PCGF5: variants seen among roughly 807,000 people sequenced by gnomAD.
PCGF5 encodes polycomb group ring finger 5, also known as polycomb group RING finger protein 5.
Under a neutral mutation model 44.3 loss-of-function variants are expected in PCGF5, and 9 were observed. The observed-to-expected ratio is 0.20, with a 90% CI of 0.12 to 0.35. The LOEUF (loss-of-function observed/expected upper bound fraction) is 0.35, where lower values mean the gene tolerates loss of function less well. Among genes scored for constraint, PCGF5 ranks in the 10% least tolerant of loss-of-function variants. The probability of loss-of-function intolerance (pLI) is 1.00; values close to 1 mark genes in which losing one functional copy is unlikely to be tolerated. For synonymous variants in PCGF5, 95 were observed against 102.5 expected, an observed-to-expected ratio of 0.93 and a Z score of 0.44; for missense variants, 146 against 305.3, an observed-to-expected ratio of 0.48 and a Z score of 3.89.
chr10:91,213,804 C>A lies in PCGF5; in HGVS notation c.-183-8885C>A, dbSNP rs1844496116. On this transcript the variant is annotated intron_variant, in intron 1 of 9. Transcript: ENST00000614189. The stretch of plus-strand genomic sequence containing the variant: ...CCAGCCACTTCATTATTTTAATGTG[C>A]CACATTAAGTGTTATGTACTACATG... 3.9e-5 allele frequency among the ~76,000 whole-genome samples: 6 copies of A among 151,986 alleles called. No homozygotes were observed. In the South Asian group the frequency reaches 1.3e-3, roughly 32 times the overall value.
chr10:91,249,777 T>TAAC (rs150220551), intron 5 of PCGF5, among the ~76,000 whole-genome samples: 5,985 of 151,916 alleles, frequency 0.039, 380 homozygotes, highest in African/African-American at 0.13. Flanking sequence ...TTTTTATCTG[T>TAAC]AACAACAACA....
intron 5 of PCGF5, among the ~76,000 whole-genome samples, chr10:91,249,756 C>T (rs895540168): frequency 2.0e-5 from 3 of 151,516 alleles, no homozygotes; most frequent in African/African-American, 7.3e-5. Flanking sequence ...AATAAGGTAA[C>T]AAGAGACTAT....
intron 2 of PCGF5, among the ~76,000 whole-genome samples, chr10:91,228,916 C>G (rs917390413): frequency 6.6e-6 from 1 of 152,140 alleles, no homozygotes; most frequent in African/African-American, 2.4e-5. Context: ...AATAACAAGC[C>G]CTGCAGGTGA....
chr10:91,256,987 TA>T (rs1446244367), intron 6 of PCGF5, among the ~76,000 whole-genome samples: 1 of 152,102 alleles, frequency 6.6e-6, no homozygotes, highest in African/African-American at 2.4e-5. Context: ...CATTAAAATG[TA>T]AAACTCTTGT....
At chr10:91,254,245 T>G (rs1845694200) in intron 6 of PCGF5, among the ~76,000 whole-genome samples, 1 of 150,560 alleles carries the variant, frequency 6.6e-6, no homozygotes, top group Non-Finnish European at 1.5e-5. Flanking sequence ...AAACCATATA[T>G]CTGACAAAAG....
chr10:91,277,869 C>T (rs565611790), intron 9 of PCGF5, among the ~76,000 whole-genome samples: 22 of 152,110 alleles, frequency 1.4e-4, no homozygotes, highest in Non-Finnish European at 2.2e-4. Flanking sequence ...CTCTCACCAG[C>T]CTAAGCTTTA....
At chr10:91,248,598 T>G (rs755903426) in intron 4 of PCGF5, 38 bp downstream of exon 4, 3 of 1,605,076 alleles carry the variant, frequency 1.9e-6, no homozygotes, top group South Asian at 2.2e-5. Context: ...CTTTTGTGTT[T>G]TATGAAATCA....
At chr10:91,201,522 T>TA (rs894756947) in intron 1 of PCGF5, among the ~76,000 whole-genome samples, 4 of 151,846 alleles carry the variant, frequency 2.6e-5, no homozygotes, top group Admixed American at 1.3e-4. Flanking sequence ...GCCCAATGTG[T>TA]AAAAAAAATA....
intron 5 of PCGF5, among the ~76,000 whole-genome samples, chr10:91,249,419 A>G (rs949756666): frequency 1.5e-4 from 16 of 110,336 alleles, no homozygotes; most frequent in South Asian, 1.2e-3. Flanking sequence ...ATATATATAT[A>G]TGTATAAAAT....
Position 91,199,451 on chromosome 10 carries a change from A to G in PCGF5, c.-183-23238A>G, listed in dbSNP as rs571898745. ...TACTCCAGCATCCCTCAGTCCTTGC[A>G]TCCTTGGGAAAGTGACCTTGGGCAA... On this transcript the variant is annotated intron_variant, in intron 1 of 9. Coordinates refer to the PCGF5 transcript ENST00000614189. 2.0e-3 allele frequency among the ~76,000 whole-genome samples: 304 copies of G among 152,340 alleles called. 1 individual carries two copies. Among genetic ancestry groups the G allele is most frequent in the African/African-American group, 5.0e-3 (209 of 41,584 alleles).
chr10:91,184,013 T>C (rs1377593455), intron 1 of PCGF5, among the ~76,000 whole-genome samples: 1 of 152,222 alleles, frequency 6.6e-6, no homozygotes, highest in Admixed American at 6.5e-5. Flanking sequence ...CGTTTCGACC[T>C]TGGATAATCT....
At chr10:91,242,895 T>C (rs1845366059) in intron 3 of PCGF5, among the ~76,000 whole-genome samples, 1 of 152,232 alleles carries the variant, frequency 6.6e-6, no homozygotes, top group Non-Finnish European at 1.5e-5. Context: ...CTAACTTCCA[T>C]ATTCCAGTTT....
intron 1 of PCGF5, among the ~76,000 whole-genome samples, chr10:91,200,276 A>G (rs1844225571): frequency 6.6e-6 from 1 of 152,150 alleles, no homozygotes; most frequent in South Asian, 2.1e-4. Context: ...GCTATAGGGG[A>G]TTGCCTGAAA....
chr10:91,254,857 A>G (rs1845708823), intron 6 of PCGF5, among the ~76,000 whole-genome samples: 1 of 152,132 alleles, frequency 6.6e-6, no homozygotes, highest in African/African-American at 2.4e-5. Context: ...AAAGGCTTAT[A>G]GATGCATATA....
intron 7 of PCGF5, among the ~76,000 whole-genome samples, chr10:91,262,282 CG>C (rs1845935387): frequency 6.6e-6 from 1 of 151,850 alleles, no homozygotes; most frequent in African/African-American, 2.4e-5. Context: ...AAAAATTAGC[CG>C]GGTGTGGTGG....
chr10:91,189,382 C>T (rs1843989680), intron 1 of PCGF5, among the ~76,000 whole-genome samples: 2 of 152,186 alleles, frequency 1.3e-5, no homozygotes, highest in African/African-American at 4.8e-5. Context: ...TTTGAAATCC[C>T]AGTTTACAAC....
chr10:91,217,956 T>A (rs1413864240), upstream of PCGF5, among the ~76,000 whole-genome samples: 1 of 152,240 alleles, frequency 6.6e-6, no homozygotes, highest in East Asian at 1.9e-4. Context: ...CTGGCTAATT[T>A]TGGTATTTTT....
chr10:91,258,011 C>T (rs1484555851), intron 6 of PCGF5, among the ~76,000 whole-genome samples: 1 of 151,998 alleles, frequency 6.6e-6, no homozygotes, highest in Non-Finnish European at 1.5e-5. Context: ...ATAGATGAAT[C>T]TTGAAAACTT....
intron 6 of PCGF5, among the ~76,000 whole-genome samples, 154 bp from the exon 7 acceptor site, chr10:91,261,172 C>T (rs1219810880): frequency 1.3e-5 from 2 of 151,884 alleles, no homozygotes; most frequent in Non-Finnish European, 2.9e-5. Context: ...TTTTTACTCG[C>T]AAATACTAAA....
Sources: gnomAD v4.1 joint callset for allele counts (sites outside exome capture counted in the v4.1 genomes callset) on GRCh38, gnomAD v4.1.1 for gene constraint, MANE v1.5 for transcripts, NCBI Gene and HGNC (gene_info 2026-07-23, HGNC 2026-07-21) for gene names.